Variants in ANKFN1 observed in about 807,000 individuals in gnomAD.
The protein encoded by ANKFN1 is ankyrin repeat and fibronectin type III domain containing 1.
A neutral mutation model predicts 108.7 loss-of-function variants in ANKFN1; 74 were observed. The observed-to-expected ratio is 0.68, with a 90% CI of 0.56 to 0.83. ANKFN1 has a LOEUF of 0.83. Ranked by LOEUF, ANKFN1 falls within the 40% of genes least tolerant of loss-of-function variation. The pLI, the probability that ANKFN1 is intolerant of heterozygous loss-of-function variation, is 0.00. For missense variants in ANKFN1, 1,505 were observed against 1,382.3 expected (o/e 1.09, Z -1.41); for synonymous variants, 547 against 516.2 (o/e 1.06, Z -0.81).
intron 4 of ANKFN1, among the ~76,000 whole-genome samples, chr17:56,070,150 A>G (rs1284075108): frequency 3.3e-5 from 5 of 152,152 alleles, no homozygotes; most frequent in Non-Finnish European, 7.3e-5. Context: ...TGCCTTAACC[A>G]TCTGGGAATG....
chr17:56,214,884 A>G (rs897339064), intron 2 of ANKFN1, among the ~76,000 whole-genome samples: 1 of 152,248 alleles, frequency 6.6e-6, no homozygotes, highest in Non-Finnish European at 1.5e-5. Context: ...ATATACAGCT[A>G]TTAAAAATAA....
intron 4 of ANKFN1, among the ~76,000 whole-genome samples, chr17:56,056,141 A>G (rs1255654276): frequency 2.6e-5 from 4 of 151,980 alleles, no homozygotes; most frequent in African/African-American, 7.2e-5. Flanking sequence ...TGTCAGAAGC[A>G]TAATTTGCAA....
rs1461364492 is a variant in ANKFN1 at position 56,515,301 on chromosome 17, T to A, written c.*4032T>A. Reference sequence around the variant, plus strand: ...TCACATACCAATTAGAGAAGGTAGCTGTAGATTAACAAAGGAACACTCTCT... The same window carrying A: ...TCACATACCAATTAGAGAAGGTAGCAGTAGATTAACAAAGGAACACTCTCT... On this transcript the variant is annotated 3_prime_UTR_variant, in exon 21 of 21. Coordinates refer to ENST00000682825, the MANE Select transcript of ANKFN1 (RefSeq NM_001370326.1). 6.6e-6 allele frequency among the ~76,000 whole-genome samples: 1 copy of A among 152,222 alleles called. No individual in the cohort carries two copies.
intron 1 of ANKFN1, chr17:56,206,956 T>C (rs903476889): frequency 6.6e-6 from 1 of 152,350 alleles, no homozygotes; most frequent in Non-Finnish European, 1.5e-5. Flanking sequence ...CCCTCCTCAA[T>C]GCTCAATCAA....
chr17:56,452,585 A>C (rs1407246942), intron 11 of ANKFN1, among the ~76,000 whole-genome samples: 1 of 152,140 alleles, frequency 6.6e-6, no homozygotes, highest in Non-Finnish European at 1.5e-5. Context: ...TCATATGGGC[A>C]AGACTTTCTG....
chr17:56,338,939 G>C (rs1488172764), intron 4 of ANKFN1, among the ~76,000 whole-genome samples: 1 of 152,026 alleles, frequency 6.6e-6, no homozygotes, highest in Non-Finnish European at 1.5e-5. Context: ...CAGATGAAGA[G>C]GGGTAAATAT....
chr17:56,511,355 C>G lies in ANKFN1; in HGVS notation c.*86C>G, dbSNP rs2051765444. 4 of 1,279,884 alleles carry G rather than the reference C, an allele frequency of 3.1e-6. No individual in the cohort carries two copies. The highest frequency in any genetic ancestry group is 4.2e-6 in the Non-Finnish European group (4 of 957,250). The allele number at this position is 1,279,884 out of a possible 1,614,324, so 79.3% of individuals were successfully genotyped here. A position where few individuals can be genotyped will look rare whatever the true frequency, so the allele number is the denominator to read the frequency against. The stretch of plus-strand genomic sequence containing the variant: ...ACCCCCATCCTGCCCCACTGTGTAC[C>G]CACTCATTTTCAAGCGTTTTGAATG... On this transcript the variant is annotated 3_prime_UTR_variant, in exon 21 of 21. Coordinates refer to ENST00000682825, the MANE Select transcript of ANKFN1 (RefSeq NM_001370326.1).
intron 8 of ANKFN1, among the ~76,000 whole-genome samples, chr17:56,427,305 T>C (rs2048600441): frequency 6.6e-6 from 1 of 152,096 alleles, no homozygotes; most frequent in Admixed American, 6.6e-5. Context: ...GAGTAGGCTC[T>C]TAGAGGGGGA....
chr17:56,167,568 C>T (rs1045582470), intron 1 of ANKFN1, among the ~76,000 whole-genome samples: 3 of 151,918 alleles, frequency 2.0e-5, no homozygotes, highest in African/African-American at 4.8e-5. Context: ...GGTGAGTTAC[C>T]TGACTCCTGA....
chr17:56,319,579 C>T (rs1218656274), intron 3 of ANKFN1, among the ~76,000 whole-genome samples: 1 of 152,196 alleles, frequency 6.6e-6, no homozygotes, highest in East Asian at 1.9e-4. Flanking sequence ...TATACAAAGG[C>T]ATGATTGAGG....
At chr17:56,416,150 A>G (rs561356927) in intron 8 of ANKFN1, among the ~76,000 whole-genome samples, 2 of 152,310 alleles carry the variant, frequency 1.3e-5, no homozygotes, top group South Asian at 4.1e-4. Context: ...ACATTGGTCT[A>G]CGTAAAAATT....
chr17:56,275,040 G>A (rs1004496979), intron 3 of ANKFN1, among the ~76,000 whole-genome samples: 6 of 152,168 alleles, frequency 3.9e-5, no homozygotes, highest in Non-Finnish European at 7.3e-5. Context: ...GGCCATGCTT[G>A]CCTCCTCGTT....
chr17:56,321,219 T>G (rs2045357172), intron 3 of ANKFN1, among the ~76,000 whole-genome samples: 1 of 152,140 alleles, frequency 6.6e-6, no homozygotes, highest in Non-Finnish European at 1.5e-5. Flanking sequence ...CATATTCAGA[T>G]ACACCCTGGG....
intron 4 of ANKFN1, among the ~76,000 whole-genome samples, chr17:56,078,885 T>C (rs113560468): frequency 0.025 from 3,795 of 152,242 alleles, 143 homozygotes; most frequent in African/African-American, 0.086. Context: ...GTGTTAAGTC[T>C]CTCCTAGCCA....
intron 18 of ANKFN1, among the ~76,000 whole-genome samples, chr17:56,489,843 A>G (rs2050978068): frequency 6.6e-6 from 1 of 152,176 alleles, no homozygotes; most frequent in Non-Finnish European, 1.5e-5. Context: ...CCTCCTTGAA[A>G]GGCATAAAGA....
intron 1 of ANKFN1, among the ~76,000 whole-genome samples, chr17:56,170,807 T>TATATATACAC (rs1361307404): frequency 2.1e-3 from 132 of 61,430 alleles, no homozygotes; most frequent in African/African-American, 6.7e-3. Flanking sequence ...TATATATATA[T>TATATATACAC]ACACACACAC....
chr17:56,261,712 C>T (rs2043515875), intron 3 of ANKFN1, among the ~76,000 whole-genome samples: 1 of 152,184 alleles, frequency 6.6e-6, no homozygotes, highest in Admixed American at 6.5e-5. Flanking sequence ...TCTAGTCCTT[C>T]CACGTTCTTC....
chr17:56,281,418 G>A (rs1025078202), intron 3 of ANKFN1, among the ~76,000 whole-genome samples: 1 of 152,018 alleles, frequency 6.6e-6, no homozygotes, highest in Non-Finnish European at 1.5e-5. Context: ...ATGGATCACA[G>A]ACCTAAATGT....
At chr17:56,061,388 C>T (rs1274722884) in intron 4 of ANKFN1, among the ~76,000 whole-genome samples, 1 of 150,604 alleles carries the variant, frequency 6.6e-6, no homozygotes, top group African/African-American at 2.4e-5. Context: ...TCTCCTGCCT[C>T]AGCCTCCTGA....
Sources: allele counts gnomAD v4.1 joint callset (sites outside exome capture counted in the v4.1 genomes callset), GRCh38; gene constraint gnomAD v4.1.1; transcripts MANE v1.5; gene names NCBI Gene and HGNC (gene_info 2026-07-23, HGNC 2026-07-21).